The following GFRA2 variants were observed in gnomAD, a reference collection of about 807,000 sequenced individuals.
GFRA2 encodes GDNF family receptor alpha 2.
GFRA2 carries 17 observed loss-of-function variants against 48.3 expected under a neutral mutation model. The observed-to-expected ratio is 0.35, with a 90% CI of 0.24 to 0.53. The LOEUF is 0.53. GFRA2 is among the 20% of genes least tolerant of loss of function. GFRA2 has a pLI of 0.93. For synonymous variants in GFRA2, 305 were observed against 257.2 expected (o/e 1.19, Z -1.78); for missense variants, 660 against 637.3 (o/e 1.04, Z -0.38).
chr8:21,786,911 T>C lies in GFRA2; in HGVS notation c.40+1209A>G, dbSNP rs924138337. ...GAGATCATGACCCCGCTGGGCAGCC[T>C]GGCTCAACACTGGCTACACAGCAAG... is the stretch of plus-strand genomic sequence containing the variant. On this transcript the variant is annotated intron_variant, in intron 1 of 8. Coordinates refer to ENST00000524240, the MANE Select transcript of GFRA2 (RefSeq NM_001495.5). Among the ~76,000 whole-genome samples the C allele has an allele frequency of 3.3e-5, 5 of 152,278 alleles. No homozygotes were observed. In the East Asian group the frequency reaches 5.8e-4, roughly 18 times the overall value.
intron 2 of GFRA2, among the ~76,000 whole-genome samples, chr8:21,803,406 G>C (rs766717440): frequency 2.0e-5 from 3 of 152,200 alleles, no homozygotes; most frequent in South Asian, 4.1e-4. Flanking sequence ...AGAGAACAAA[G>C]AACTGTCTGC....
intron 8 of GFRA2, among the ~76,000 whole-genome samples, chr8:21,694,077 T>TTTATATATATATATATATATATATATA (rs1802032776): frequency 2.8e-4 from 31 of 109,290 alleles, no homozygotes; most frequent in South Asian, 6.1e-4. Flanking sequence ...TTATTTATTT[T>TTTATATATATATATATATATATATATA]TATATATATA....
chr8:21,738,182 TCCTCCTCCTCCCCC>T (rs1804572974), intron 4 of GFRA2, among the ~76,000 whole-genome samples: 1 of 16,394 alleles, frequency 6.1e-5, no homozygotes, highest in Non-Finnish European at 1.2e-4. Context: ...CCTCCCCCGT[TCCTCCTCCTCCCCC>T]TCCTCCTCCT....
intron 4 of GFRA2, among the ~76,000 whole-genome samples, chr8:21,737,867 C>A (rs567225965): frequency 2.8e-4 from 43 of 152,266 alleles, no homozygotes; most frequent in Admixed American, 2.4e-3. Context: ...GTGGTTCACA[C>A]GGGTGAGCCC....
At chr8:21,713,056 A>AGGG (rs1803148721) in intron 4 of GFRA2, among the ~76,000 whole-genome samples, 2 of 131,786 alleles carry the variant, frequency 1.5e-5, no homozygotes, top group African/African-American at 7.2e-5. Context: ...GGAGAGGGAG[A>AGGG]CGAGGGAAAG....
chr8:21,768,721 A>G (rs1170994959), intron 3 of GFRA2, among the ~76,000 whole-genome samples: 2 of 152,044 alleles, frequency 1.3e-5, no homozygotes, highest in Admixed American at 1.3e-4. Flanking sequence ...GAGCCCAGGG[A>G]TAAGTCTCTC....
chr8:21,786,795 C>T (rs1807292721), intron 1 of GFRA2, among the ~76,000 whole-genome samples: 2 of 152,268 alleles, frequency 1.3e-5, no homozygotes, highest in African/African-American at 4.8e-5. Context: ...GTCTGGCGAG[C>T]ACTTCTTAGA....
chr8:21,776,315 C>T (rs1164164423), intron 2 of GFRA2, among the ~76,000 whole-genome samples: 1 of 151,982 alleles, frequency 6.6e-6, no homozygotes, highest in Non-Finnish European at 1.5e-5. Context: ...AATGGGGCAG[C>T]CCCAGAGGAC....
At chr8:21,699,554 C>T (rs1011616697) in intron 7 of GFRA2, among the ~76,000 whole-genome samples, 4 of 152,296 alleles carry the variant, frequency 2.6e-5, no homozygotes, top group Admixed American at 2.0e-4. Flanking sequence ...GGGAGAACAG[C>T]AGGCCATGGC....
In GFRA2 at chr8:21,774,981, T is replaced by C. The variant is rs925836701; in HGVS notation, c.430A>G (p.Ile144Val). ...RLSDIFRLAS[I>V]FSGTGADPVV... ...GTGCGAGCTCACTTACCTGAGAAGA[T>C]TGAAGCAAGCCTGAAGATGTCCGAG... Residue 144 changes from isoleucine (I) to valine (V), a missense_variant, in exon 3 of 9, where the codon ATC becomes GTC. By Grantham distance (29) the Ile-to-Val change is conservative. Transcript: ENST00000524240. 1.1e-5 allele frequency: 18 copies of C among 1,589,550 alleles called. 1 individual carries two copies. Among genetic ancestry groups the C allele is most frequent in the South Asian group, 3.3e-5 (3 of 90,476 alleles).
intron 4 of GFRA2, among the ~76,000 whole-genome samples, chr8:21,707,278 C>A (rs1802795297): frequency 6.6e-6 from 1 of 152,218 alleles, no homozygotes; most frequent in Non-Finnish European, 1.5e-5. Context: ...ATGAAGCCAT[C>A]TCCGAGTTCA....
intron 1 of GFRA2, among the ~76,000 whole-genome samples, chr8:21,783,858 T>G (rs1807135439): frequency 6.6e-6 from 1 of 151,964 alleles, no homozygotes; most frequent in African/African-American, 2.4e-5. Context: ...CCAAGAGGTG[T>G]GTTTCTTCAT....
intron 4 of GFRA2, among the ~76,000 whole-genome samples, chr8:21,742,946 C>T (rs1054027651): frequency 6.6e-6 from 1 of 152,220 alleles, no homozygotes; most frequent in Non-Finnish European, 1.5e-5. Context: ...GCAGTAGCAG[C>T]CACAGCAGGG....
chr8:21,743,368 A>G (rs751453406), intron 4 of GFRA2, among the ~76,000 whole-genome samples: 6 of 152,140 alleles, frequency 3.9e-5, no homozygotes, highest in Non-Finnish European at 7.4e-5. Flanking sequence ...CATCTCCCCT[A>G]AGCAAGGGCT....
chr8:21,779,366 G>T (rs1031902966), intron 2 of GFRA2, among the ~76,000 whole-genome samples: 5 of 152,174 alleles, frequency 3.3e-5, no homozygotes, highest in Non-Finnish European at 5.9e-5. Flanking sequence ...GTGATACAGA[G>T]GGAGCCAGTG....
intron 3 of GFRA2, among the ~76,000 whole-genome samples, chr8:21,751,556 C>T (rs980620795): frequency 2.0e-5 from 3 of 152,218 alleles, no homozygotes; most frequent in Non-Finnish European, 2.9e-5. Flanking sequence ...CGAGTCACAC[C>T]CAGTAGTGCA....
intron 3 of GFRA2, among the ~76,000 whole-genome samples, chr8:21,765,145 T>C (rs918096578): frequency 1.3e-5 from 2 of 152,050 alleles, no homozygotes; most frequent in Non-Finnish European, 2.9e-5. Flanking sequence ...ATAGTCTTAC[T>C]CTGTCACCCA....
intron 4 of GFRA2, among the ~76,000 whole-genome samples, chr8:21,713,446 T>C (rs1803173640): frequency 6.6e-6 from 1 of 152,122 alleles, no homozygotes; most frequent in South Asian, 2.1e-4. Flanking sequence ...TCCACCCACC[T>C]TGGCCTCCCA....
intron 1 of GFRA2, among the ~76,000 whole-genome samples, chr8:21,806,193 G>T (rs184072657): frequency 6.6e-5 from 10 of 152,120 alleles, no homozygotes; most frequent in Admixed American, 5.9e-4. Context: ...ACTACGGAGG[G>T]TCTCAAACTT....
Sources: allele counts gnomAD v4.1 joint callset (sites outside exome capture counted in the v4.1 genomes callset), GRCh38; gene constraint gnomAD v4.1.1; transcripts MANE v1.5; gene names NCBI Gene and HGNC (gene_info 2026-07-23, HGNC 2026-07-21).